The following UNC13C variants were observed in gnomAD, a reference collection of about 807,000 sequenced individuals.
UNC13C encodes unc-13 homolog C.
A neutral mutation model predicts 245.4 loss-of-function variants in UNC13C; 174 were observed. That is an observed-to-expected ratio of 0.71 (90% CI 0.63 to 0.80). UNC13C has a LOEUF of 0.80. UNC13C is among the 30% of genes least tolerant of loss of function. The pLI is 0.00. For synonymous variants in UNC13C, 992 were observed against 895.1 expected (o/e 1.11, Z -1.93); for missense variants, 2,829 against 2,602.9 (o/e 1.09, Z -1.89).
rs558145751 is a variant in UNC13C at position 54,232,149 on chromosome 15, A to G, written c.3072-2881A>G. Among the ~76,000 whole-genome samples the G allele has an allele frequency of 3.9e-5, 6 of 152,252 alleles. No homozygotes were observed. In the South Asian group the frequency reaches 1.2e-3, roughly 32 times the overall value. On this transcript the variant is annotated intron_variant, in intron 4 of 32. Coordinates refer to ENST00000260323, the MANE Select transcript of UNC13C (RefSeq NM_001080534.3). ...TTATTACTTGATGGATAGGCTTATC[A>G]AAGTTTCTTGTAGTAATGATGAAAA...
intron 27 of UNC13C, 130 bp from the exon 28 acceptor site, chr15:54,549,505 T>A: frequency 2.9e-6 from 2 of 684,390 alleles, no homozygotes; most frequent in Non-Finnish European, 4.8e-6. Flanking sequence ...ATAGACCAAT[T>A]AAGGGCATCT....
the UNC13C span, among the ~76,000 whole-genome samples, chr15:53,939,753 T>C: frequency 6.6e-6 from 1 of 152,128 alleles, no homozygotes; most frequent in African/African-American, 2.4e-5. Context: ...ATTAGCTCAA[T>C]AGATGCAGAA....
intron 2 of UNC13C, among the ~76,000 whole-genome samples, chr15:54,136,490 C>G (rs993029639): frequency 1.3e-5 from 2 of 152,090 alleles, no homozygotes; most frequent in African/African-American, 4.8e-5. Context: ...CACCTGTAAA[C>G]AGAAACGATT....
chr15:53,899,917 G>A, the UNC13C span, among the ~76,000 whole-genome samples: 1 of 152,078 alleles, frequency 6.6e-6, no homozygotes, highest in Non-Finnish European at 1.5e-5. Context: ...ACCCAGTTCT[G>A]CATGGTTCAA....
intron 2 of UNC13C, among the ~76,000 whole-genome samples, chr15:54,117,230 C>A (rs1211645576): frequency 6.6e-6 from 1 of 152,014 alleles, no homozygotes; most frequent in Non-Finnish European, 1.5e-5. Flanking sequence ...TGGGATATCT[C>A]TTCACTTTTT....
chr15:53,985,646 A>G (rs1040118997), intron 1 of UNC13C, among the ~76,000 whole-genome samples: 7 of 152,054 alleles, frequency 4.6e-5, no homozygotes, highest in Non-Finnish European at 1.0e-4. Flanking sequence ...GAACACAACC[A>G]CTGAAAGGCA....
At chr15:53,851,868 G>A in the UNC13C span, among the ~76,000 whole-genome samples, 1 of 152,208 alleles carries the variant, frequency 6.6e-6, no homozygotes, top group Admixed American at 6.5e-5. Flanking sequence ...GTCTGGGGAG[G>A]ACAAGGAAGC....
At chr15:54,471,281 T>C (rs899169760) in intron 19 of UNC13C, among the ~76,000 whole-genome samples, 5 of 151,618 alleles carry the variant, frequency 3.3e-5, no homozygotes, top group African/African-American at 1.2e-4. Context: ...TATCTATTGT[T>C]GAAAGTAGGA....
intron 19 of UNC13C, among the ~76,000 whole-genome samples, chr15:54,465,682 G>T (rs899406907): frequency 6.6e-6 from 1 of 151,994 alleles, no homozygotes; most frequent in African/African-American, 2.4e-5. Context: ...TATGATTCCA[G>T]AAAGATGGTC....
intron 10 of UNC13C, among the ~76,000 whole-genome samples, chr15:54,280,852 C>T (rs2036977124): frequency 6.6e-6 from 1 of 151,372 alleles, no homozygotes; most frequent in Non-Finnish European, 1.5e-5. Flanking sequence ...GGCTAGAGCA[C>T]AATGGCGCAA....
At chr15:54,492,320 CAA>C (rs2141084360) in intron 19 of UNC13C, among the ~76,000 whole-genome samples, 1 of 151,876 alleles carries the variant, frequency 6.6e-6, no homozygotes, top group East Asian at 1.9e-4. Flanking sequence ...TAAATGAAAA[CAA>C]AATACAAATT....
Position 54,015,819 on chromosome 15 carries a change from C to T in UNC13C, c.2916C>T (p.Phe972=), listed in dbSNP as rs747967855. Residue 972 remains phenylalanine, a synonymous_variant, in exon 2 of 33, where the codon TTC becomes TTT. Coordinates refer to ENST00000260323, the MANE Select transcript of UNC13C (RefSeq NM_001080534.3). ...ITKPKRIRPS[F]KEAALRAYKK... ...AGCCAAAGAGAATTCGTCCTTCTTT[C>T]AAAGAAGCAGCTTTAAGGGCCTATA... is the stretch of plus-strand genomic sequence containing the variant. 3 of 1,611,060 alleles carry T rather than the reference C, an allele frequency of 1.9e-6. No individual in the cohort carries two copies. The highest frequency in any genetic ancestry group is 2.5e-6 in the Non-Finnish European group (3 of 1,178,518).
At chr15:54,334,016 G>A (rs1337714345) in intron 16 of UNC13C, among the ~76,000 whole-genome samples, 160 bp downstream of exon 16, 1 of 151,968 alleles carries the variant, frequency 6.6e-6, no homozygotes, top group Non-Finnish European at 1.5e-5. Flanking sequence ...CCAATATAAG[G>A]TATAGTGAAG....
At chr15:53,927,299 T>C in the UNC13C span, among the ~76,000 whole-genome samples, 6 of 152,194 alleles carry the variant, frequency 3.9e-5, no homozygotes, top group Non-Finnish European at 7.3e-5. Context: ...GAGATCACTT[T>C]GTTTGCTATG....
the UNC13C span, chr15:53,914,683 G>C: frequency 0.37 from 55,633 of 151,968 alleles, 10,241 homozygotes; most frequent in South Asian, 0.45. Context: ...TTGATGAGAA[G>C]TGCTGCTGAA....
chr15:53,936,997 T>G, the UNC13C span, among the ~76,000 whole-genome samples: 419 of 152,098 alleles, frequency 2.8e-3, 2 homozygotes, highest in African/African-American at 9.6e-3. Flanking sequence ...CTGCAACACC[T>G]CTCCAGCAAG....
intron 5 of UNC13C, among the ~76,000 whole-genome samples, chr15:54,235,913 T>C (rs2035684436): frequency 2.0e-5 from 3 of 152,130 alleles, no homozygotes; most frequent in Admixed American, 2.0e-4. Context: ...ATTAACATCA[T>C]TATTACTTCT....
At chr15:54,383,625 G>A (rs568829415) in intron 17 of UNC13C, among the ~76,000 whole-genome samples, 14 of 152,112 alleles carry the variant, frequency 9.2e-5, no homozygotes, top group African/African-American at 2.4e-4. Flanking sequence ...AAAAATGCCC[G>A]CTCTCACCAC....
At chr15:54,478,839 G>C (rs1892928815) in intron 19 of UNC13C, among the ~76,000 whole-genome samples, 1 of 152,132 alleles carries the variant, frequency 6.6e-6, no homozygotes, top group African/African-American at 2.4e-5. Context: ...GCTTGGTGCA[G>C]AGCTGAGTTC....
Sources: gnomAD v4.1 joint callset for allele counts (sites outside exome capture counted in the v4.1 genomes callset) on GRCh38, gnomAD v4.1.1 for gene constraint, MANE v1.5 for transcripts, NCBI Gene and HGNC (gene_info 2026-07-23, HGNC 2026-07-21) for gene names.